ZNF609: variants seen among roughly 807,000 people sequenced by gnomAD.
The protein encoded by ZNF609 is zinc finger protein 609.
In ZNF609, 11 loss-of-function variants were observed where a neutral mutation model predicts 109.5. The ratio of observed to expected loss-of-function variants is 0.10; its 90% CI spans 0.06 to 0.17. The LOEUF (loss-of-function observed/expected upper bound fraction) is 0.17, where lower values mean the gene tolerates loss of function less well. Among genes scored for constraint, ZNF609 ranks in the 10% least tolerant of loss-of-function variants. The pLI is 1.00. For missense variants in ZNF609, 1,559 were observed against 1,772.4 expected, an observed-to-expected ratio of 0.88 and a Z score of 2.16; for synonymous variants, 646 against 662.0, an observed-to-expected ratio of 0.98 and a Z score of 0.37.
At chr15:64,600,944 A>G (rs1180166078) in intron 2 of ZNF609, among the ~76,000 whole-genome samples, 1 of 152,060 alleles carries the variant, frequency 6.6e-6, no homozygotes, top group African/African-American at 2.4e-5. Context: ...TTCAGAGTAT[A>G]TTTGTACTGA....
chr15:64,547,480 A>T (rs1398545940), intron 2 of ZNF609, among the ~76,000 whole-genome samples: 2 of 152,206 alleles, frequency 1.3e-5, no homozygotes, highest in Non-Finnish European at 2.9e-5. Flanking sequence ...GACATGGCAG[A>T]TGGGAAACAA....
chr15:64,617,338 A>G (rs1244342600), intron 2 of ZNF609, among the ~76,000 whole-genome samples: 1 of 151,900 alleles, frequency 6.6e-6, no homozygotes, highest in Non-Finnish European at 1.5e-5. Flanking sequence ...TTAAAAAAAA[A>G]AAAAAATTAG....
chr15:64,555,193 C>G (rs991460740), intron 2 of ZNF609, among the ~76,000 whole-genome samples: 1 of 151,962 alleles, frequency 6.6e-6, no homozygotes, highest in Non-Finnish European at 1.5e-5. Flanking sequence ...AGTGATACCT[C>G]ATCTCTACAA....
At chr15:64,464,630 G>A (rs765804044) in intron 1 of ZNF609, among the ~76,000 whole-genome samples, 4 of 152,138 alleles carry the variant, frequency 2.6e-5, no homozygotes, top group Admixed American at 6.5e-5. Flanking sequence ...GCAAAATATC[G>A]TAATGTATTA....
chr15:64,625,914 AATATAT>A (rs1330194907), intron 3 of ZNF609, among the ~76,000 whole-genome samples: 16 of 103,092 alleles, frequency 1.6e-4, no homozygotes, highest in Non-Finnish European at 1.9e-4. Flanking sequence ...AAAAAAAAAA[AATATAT>A]ATATATATAT....
At position 64,674,334 on chromosome 15, in the gene ZNF609, C is replaced by G; in HGVS notation, c.1480C>G (p.Leu494Val). 1 of 1,614,174 alleles carries G rather than the reference C, an allele frequency of 6.2e-7. No individual in the cohort carries two copies. The highest frequency in any genetic ancestry group is 1.3e-5 in the African/African-American group (1 of 75,032). Reference sequence around the variant, plus strand: ...GGACAGAAACTGCCCCTCCCCCGTCCTAATTGACTGTCCCCACCCAAACTG... The same window carrying G: ...GGACAGAAACTGCCCCTCCCCCGTCGTAATTGACTGTCCCCACCCAAACTG... ...VLDRNCPSPV[L>V]IDCPHPNCNK... The change falls in exon 5 of 10, where the codon CTA (leucine) becomes GTA (valine). Residue 494 changes from leucine (L) to valine (V), a missense_variant. Physicochemically the swap from Leu to Val is conservative, Grantham distance 32. Transcript: ENST00000326648.
chr15:64,534,463 C>T (rs1402231004), intron 2 of ZNF609, among the ~76,000 whole-genome samples: 1 of 152,012 alleles, frequency 6.6e-6, no homozygotes, highest in African/African-American at 2.4e-5. Flanking sequence ...TGTAGGCATG[C>T]GCCACCATGC....
intron 4 of ZNF609, among the ~76,000 whole-genome samples, chr15:64,672,465 A>T (rs1896746792): frequency 6.7e-6 from 1 of 149,028 alleles, no homozygotes; most frequent in Non-Finnish European, 1.5e-5. Context: ...TCTCTACTAA[A>T]AATACAAAAA....
intron 2 of ZNF609, among the ~76,000 whole-genome samples, chr15:64,587,722 T>G (rs1595729294): frequency 6.6e-6 from 1 of 152,116 alleles, no homozygotes; most frequent in East Asian, 1.9e-4. Flanking sequence ...ACTTCCAGTT[T>G]ATTCTGGTAG....
At chr15:64,551,652 CAAA>C (rs536364048) in intron 2 of ZNF609, among the ~76,000 whole-genome samples, 12 of 91,026 alleles carry the variant, frequency 1.3e-4, no homozygotes, top group Non-Finnish European at 7.5e-5. Context: ...AACTCTGTCT[CAAA>C]AAAAAAAAAA....
chr15:64,666,587 C>A (rs1386041360), intron 3 of ZNF609, among the ~76,000 whole-genome samples: 1 of 151,902 alleles, frequency 6.6e-6, no homozygotes, highest in Non-Finnish European at 1.5e-5. Flanking sequence ...CACTGCAACA[C>A]CTCCTTGAAC....
chr15:64,555,886 C>CA (rs963732035), intron 2 of ZNF609, among the ~76,000 whole-genome samples: 2,747 of 38,466 alleles, frequency 0.071, 313 homozygotes, highest in Non-Finnish European at 0.11. Flanking sequence ...GACTCTGTCT[C>CA]AAAAAAAAAA....
intron 1 of ZNF609, among the ~76,000 whole-genome samples, chr15:64,473,700 G>T (rs947100739): frequency 1.3e-5 from 2 of 151,826 alleles, no homozygotes; most frequent in East Asian, 3.9e-4. Context: ...CCACCTCCTG[G>T]GTTCAAGCGA....
chr15:64,480,765 A>C (rs1893240793), intron 1 of ZNF609, among the ~76,000 whole-genome samples: 1 of 152,186 alleles, frequency 6.6e-6, no homozygotes, highest in South Asian at 2.1e-4. Context: ...GCTTAAATAA[A>C]AATGTCAGTC....
At chr15:64,549,036 G>A (rs144971431) in intron 2 of ZNF609, among the ~76,000 whole-genome samples, 24 of 152,146 alleles carry the variant, frequency 1.6e-4, no homozygotes, top group Admixed American at 7.9e-4. Context: ...TTTTTATTCC[G>A]TTTTGCATAG....
rs1382986449 is a variant in ZNF609 at position 64,645,004 on chromosome 15, TCTTTCTTC to T, written c.973+21956_973+21963del. Among the ~76,000 whole-genome samples the T allele has an allele frequency of 7.5e-3, 1,065 of 141,496 alleles. 12 individuals carry two copies. Among genetic ancestry groups the T allele is most frequent in the African/African-American group, 0.025 (969 of 39,246 alleles). 92.8% of individuals were successfully genotyped at this position (141,496 alleles called of 152,430 possible). On this transcript the variant is annotated intron_variant, in intron 3 of 9. Coordinates refer to ENST00000326648, the MANE Select transcript of ZNF609 (RefSeq NM_015042.2). ...CTTTTTCTTTCTTTCTTTCTTTCTTTCTTTCTTCCTTCCTTCCTTCCTTCCTTTCTTCC... is the reference window on the plus strand; with the variant it reads ...CTTTTTCTTTCTTTCTTTCTTTCTTTCTTCCTTCCTTCCTTCCTTTCTTCC...
At chr15:64,681,512 C>T in intron 9 of ZNF609, 125 bp downstream of exon 9, 1 of 781,382 alleles carries the variant, frequency 1.3e-6, no homozygotes, top group Non-Finnish European at 2.1e-6. Flanking sequence ...GAACCCTGGC[C>T]AAGCCTCTTG....
intron 2 of ZNF609, among the ~76,000 whole-genome samples, chr15:64,619,916 T>C (rs1471495852): frequency 2.0e-5 from 3 of 152,234 alleles, no homozygotes; most frequent in African/African-American, 7.2e-5. Flanking sequence ...TTATCTAGAA[T>C]GTATTAGCAT....
chr15:64,613,597 C>T (rs1054183041), intron 2 of ZNF609, among the ~76,000 whole-genome samples: 7 of 152,182 alleles, frequency 4.6e-5, no homozygotes, highest in Non-Finnish European at 4.4e-5. Flanking sequence ...GTCGCACAGG[C>T]TGGAGTGCAG....
Sources: gnomAD v4.1 joint callset for allele counts (sites outside exome capture counted in the v4.1 genomes callset) on GRCh38, gnomAD v4.1.1 for gene constraint, MANE v1.5 for transcripts, NCBI Gene and HGNC (gene_info 2026-07-23, HGNC 2026-07-21) for gene names.